The following C9orf85 variants were observed in gnomAD, a reference collection of about 807,000 sequenced individuals.
The protein encoded by C9orf85 is chromosome 9 open reading frame 85.
In C9orf85, 16 loss-of-function variants were observed where a neutral mutation model predicts 14.9. That is an observed-to-expected ratio of 1.08 (90% CI 0.73 to 1.63). The LOEUF (loss-of-function observed/expected upper bound fraction) is 1.63. Ranked by LOEUF, C9orf85 falls within the 40% of genes most tolerant of loss-of-function variation. The pLI, the probability that C9orf85 is intolerant of heterozygous loss-of-function variation, is 0.00. For missense variants in C9orf85, 172 were observed against 186.1 expected (o/e 0.92, Z 0.44); for synonymous variants, 45 against 56.8 (o/e 0.79, Z 0.93).
downstream of C9orf85, among the ~76,000 whole-genome samples, chr9:71,975,776 G>A (rs1368866780): frequency 6.6e-6 from 1 of 152,244 alleles, no homozygotes; most frequent in Non-Finnish European, 1.5e-5. Context: ...AGGTTGTGGT[G>A]AGCCAAGATA....
intron 2 of C9orf85, among the ~76,000 whole-genome samples, chr9:71,962,027 G>A (rs774914584): frequency 1.3e-4 from 20 of 152,112 alleles, no homozygotes; most frequent in Non-Finnish European, 2.9e-4. Flanking sequence ...TTAGCTAGGC[G>A]TGGTGACGTG....
chr9:71,976,640 A>C (rs1019764009), downstream of C9orf85, among the ~76,000 whole-genome samples: 255 of 151,144 alleles, frequency 1.7e-3, 1 homozygote, highest in African/African-American at 5.7e-3. Context: ...CCAGCCTGGG[A>C]CACAGAGCGA....
chr9:71,920,021 TGTA>T (rs1827754421), intron 1 of C9orf85, among the ~76,000 whole-genome samples: 1 of 152,072 alleles, frequency 6.6e-6, no homozygotes, highest in African/African-American at 2.4e-5. Context: ...AGCTAATTTT[TGTA>T]GTTTTTAGTA....
At chr9:71,964,817 G>A (rs1479706455) in intron 2 of C9orf85, among the ~76,000 whole-genome samples, 2 of 152,204 alleles carry the variant, frequency 1.3e-5, no homozygotes, top group East Asian at 3.8e-4. Context: ...TGTGGTGAGT[G>A]TTATAGCTCT....
At chr9:71,976,492 C>G (rs1822997342), downstream of C9orf85, among the ~76,000 whole-genome samples, 1 of 152,024 alleles carries the variant, frequency 6.6e-6, no homozygotes, top group African/African-American at 2.4e-5. Context: ...GAAACCCCGT[C>G]TCTACTAAAA....
At chr9:71,931,036 A>C (rs1828059857) in intron 1 of C9orf85, among the ~76,000 whole-genome samples, 1 of 152,154 alleles carries the variant, frequency 6.6e-6, no homozygotes, top group South Asian at 2.1e-4. Flanking sequence ...ATAGGAATAA[A>C]GGCCAGAAAC....
At chr9:71,949,131 T>C (rs1564092756) in intron 2 of C9orf85, among the ~76,000 whole-genome samples, 1 of 152,218 alleles carries the variant, frequency 6.6e-6, no homozygotes, top group Non-Finnish European at 1.5e-5. Flanking sequence ...TATAAAGGTA[T>C]TTTAAGATTT....
intron 1 of C9orf85, among the ~76,000 whole-genome samples, chr9:71,914,772 A>G (rs1419295017): frequency 1.3e-5 from 2 of 152,224 alleles, no homozygotes; most frequent in Non-Finnish European, 1.5e-5. Flanking sequence ...TGAGGGAATT[A>G]TCTGACAGTG....
intron 2 of C9orf85, among the ~76,000 whole-genome samples, chr9:71,970,354 T>C (rs1320303493): frequency 6.6e-6 from 1 of 152,220 alleles, no homozygotes; most frequent in Non-Finnish European, 1.5e-5. Flanking sequence ...TGCTCTTGTA[T>C]AGAGTGTTCT....
chr9:71,933,795 T>C (rs1828126307), intron 1 of C9orf85, among the ~76,000 whole-genome samples: 1 of 152,206 alleles, frequency 6.6e-6, no homozygotes, highest in Admixed American at 6.5e-5. Flanking sequence ...AAACTCTAAC[T>C]GCTATTGTTT....
At position 71,982,065 on chromosome 9, in the gene C9orf85, C is replaced by A. The variant is rs545450057; in HGVS notation, c.324-592C>A. Among the ~76,000 whole-genome samples, 8 of 152,274 alleles carry A rather than the reference C, an allele frequency of 5.3e-5. No individual in the cohort carries two copies. In the East Asian group the frequency reaches 1.5e-3, roughly 29 times the overall value. On this transcript the variant is annotated intron_variant, in intron 3 of 3. Coordinates refer to the C9orf85 transcript ENST00000377031. The stretch of plus-strand genomic sequence containing the variant: ...CATTTGTAGCCACTCCCCATTCCCA[C>A]TCCCCAGCCCCAAGCAACTTAATCT...
downstream of C9orf85, chr9:71,985,869 A>G (rs1441055873): frequency 3.3e-5 from 5 of 152,208 alleles, no homozygotes; most frequent in Non-Finnish European, 5.9e-5. Context: ...ATGGATGAGG[A>G]GGAGGAAAAT....
chr9:71,978,907 T>G (rs1589278162), intron 3 of C9orf85, among the ~76,000 whole-genome samples: 1 of 152,034 alleles, frequency 6.6e-6, no homozygotes, highest in African/African-American at 2.4e-5. Flanking sequence ...TGGAGGCGGG[T>G]GCCTGTAGTC....
At chr9:71,926,891 G>C (rs1296720701) in intron 1 of C9orf85, among the ~76,000 whole-genome samples, 1 of 151,738 alleles carries the variant, frequency 6.6e-6, no homozygotes, top group Non-Finnish European at 1.5e-5. Flanking sequence ...CAGAGGACAT[G>C]GAAGGTAAGA....
intron 1 of C9orf85, among the ~76,000 whole-genome samples, chr9:71,922,521 C>T (rs1263540863): frequency 6.6e-6 from 1 of 152,084 alleles, no homozygotes; most frequent in Non-Finnish European, 1.5e-5. Context: ...ACATCTTTAC[C>T]ACCCCTCTCC....
chr9:71,964,568 C>T (rs551161181), intron 2 of C9orf85, among the ~76,000 whole-genome samples: 1 of 152,078 alleles, frequency 6.6e-6, no homozygotes, highest in South Asian at 2.1e-4. Flanking sequence ...CACTCTTGAG[C>T]CAGCGAGACC....
chr9:71,920,043 G>T (rs1228270751), intron 1 of C9orf85, among the ~76,000 whole-genome samples: 1 of 151,946 alleles, frequency 6.6e-6, no homozygotes, highest in Non-Finnish European at 1.5e-5. Flanking sequence ...TAGAGACGGG[G>T]TTTCACCATG....
At chr9:71,961,201 C>T (rs1438164666) in intron 2 of C9orf85, among the ~76,000 whole-genome samples, 2 of 152,054 alleles carry the variant, frequency 1.3e-5, no homozygotes. Context: ...GTGTAAGCCA[C>T]CACGCCTGGC....
At chr9:71,978,469 A>G (rs938215141) in intron 3 of C9orf85, among the ~76,000 whole-genome samples, 1 of 152,216 alleles carries the variant, frequency 6.6e-6, no homozygotes, top group African/African-American at 2.4e-5. Flanking sequence ...GTTGTAACTA[A>G]CATTTTTTAA....
Sources: gnomAD v4.1 joint callset for allele counts (sites outside exome capture counted in the v4.1 genomes callset) on GRCh38, gnomAD v4.1.1 for gene constraint, MANE v1.5 for transcripts, NCBI Gene and HGNC (gene_info 2026-07-23, HGNC 2026-07-21) for gene names.